The following SSBP3 variants were observed in gnomAD, a reference collection of about 807,000 sequenced individuals.
SSBP3 encodes the protein single stranded DNA binding protein 3.
In SSBP3, 5 loss-of-function variants were observed where a neutral mutation model predicts 69.6. The observed-to-expected ratio is 0.07, with a 90% CI of 0.04 to 0.15. SSBP3 has a LOEUF of 0.15. SSBP3 is among the 10% of genes least tolerant of loss of function. SSBP3 has a pLI of 1.00. For missense variants in SSBP3, 312 were observed against 534.0 expected (o/e 0.58, Z 4.10); for synonymous variants, 196 against 193.4 (o/e 1.01, Z -0.11).
chr1:54,313,713 T>C (rs1487997211), intron 4 of SSBP3, among the ~76,000 whole-genome samples: 2 of 151,986 alleles, frequency 1.3e-5, no homozygotes, highest in African/African-American at 2.4e-5. Context: ...AGAGTCAAGA[T>C]AGCTAAGCTT....
intron 4 of SSBP3, among the ~76,000 whole-genome samples, chr1:54,323,746 G>C (rs1187766048): frequency 6.6e-6 from 1 of 152,216 alleles, no homozygotes; most frequent in Non-Finnish European, 1.5e-5. Flanking sequence ...AGAAGGAGCA[G>C]AGGAAGGCTC....
intron 4 of SSBP3, among the ~76,000 whole-genome samples, chr1:54,357,296 G>C (rs1463788498): frequency 6.6e-6 from 1 of 151,110 alleles, no homozygotes. Context: ...GACAAATGAG[G>C]CCACCCTGCT....
At chr1:54,352,646 GA>G (rs2100586715) in intron 4 of SSBP3, among the ~76,000 whole-genome samples, 1 of 152,336 alleles carries the variant, frequency 6.6e-6, no homozygotes, top group East Asian at 1.9e-4. Flanking sequence ...CACCTTGCAG[GA>G]TGTGCAGCAG....
chr1:54,316,693 T>G (rs1486517643), intron 4 of SSBP3, among the ~76,000 whole-genome samples: 1 of 127,116 alleles, frequency 7.9e-6, no homozygotes, highest in Non-Finnish European at 1.6e-5. Context: ...AATAAATAAA[T>G]AAATAAATAA....
At chr1:54,310,947 A>C (rs1357947517) in intron 4 of SSBP3, among the ~76,000 whole-genome samples, 1 of 152,204 alleles carries the variant, frequency 6.6e-6, no homozygotes, top group Non-Finnish European at 1.5e-5. Context: ...GTGGGGGCTG[A>C]CATCACCTGG....
rs1227132173 is a variant in SSBP3, at chr1:54,225,434, C to T, written c.*1697G>A. The T allele has an allele frequency of 6.5e-6, 8 of 1,230,478 alleles. No homozygotes were observed. The Admixed American group carries it at 2.5e-4, about 39-fold the overall frequency. 76.2% of individuals were successfully genotyped at this position (1,230,478 alleles called of 1,614,324 possible). On this transcript the variant is annotated 3_prime_UTR_variant, in exon 18 of 18. Transcript: ENST00000610401. ...TCCCCAAACATGTCAGGAAGGGCTGCGGAAAAAAGATGTCCCTTTAATAAA... is the reference window on the plus strand; with the variant it reads ...TCCCCAAACATGTCAGGAAGGGCTGTGGAAAAAAGATGTCCCTTTAATAAA...
intron 4 of SSBP3, among the ~76,000 whole-genome samples, chr1:54,320,369 G>A (rs1557528630): frequency 6.6e-6 from 1 of 152,172 alleles, no homozygotes. Context: ...TCTGTCTGGA[G>A]TGCAATGACG....
intron 4 of SSBP3, among the ~76,000 whole-genome samples, chr1:54,337,391 G>A (rs1646525618): frequency 6.6e-6 from 1 of 151,732 alleles, no homozygotes; most frequent in Non-Finnish European, 1.5e-5. Context: ...GGGATCTTAG[G>A]GCAGGCTTTG....
chr1:54,372,363 C>A (rs920044181), intron 4 of SSBP3, among the ~76,000 whole-genome samples: 13 of 152,126 alleles, frequency 8.5e-5, no homozygotes, highest in African/African-American at 3.1e-4. Flanking sequence ...AAGATCTGCA[C>A]CTGCCTGGAA....
At chr1:54,237,982 CCT>C in intron 14 of SSBP3, 1 of 372,768 alleles carries the variant, frequency 2.7e-6, no homozygotes, top group Non-Finnish European at 5.6e-6. Flanking sequence ...TGCTGTCATC[CCT>C]CTGTGTGGGT....
intron 4 of SSBP3, among the ~76,000 whole-genome samples, chr1:54,349,009 G>A (rs1473189727): frequency 1.3e-5 from 2 of 152,292 alleles, no homozygotes; most frequent in Non-Finnish European, 2.9e-5. Flanking sequence ...TCACCCATTC[G>A]ACAAGAAACA....
intron 4 of SSBP3, among the ~76,000 whole-genome samples, chr1:54,390,017 G>A (rs199551135): frequency 1.3e-5 from 2 of 151,880 alleles, no homozygotes; most frequent in East Asian, 1.9e-4. Context: ...GGGCTGTTTT[G>A]AGTATGACAA....
At chr1:54,251,003 G>A (rs950148530) in intron 9 of SSBP3, among the ~76,000 whole-genome samples, 1 of 152,224 alleles carries the variant, frequency 6.6e-6, no homozygotes, top group African/African-American at 2.4e-5. Context: ...CTTTGTGGCA[G>A]CGGAGCCCTC....
intron 4 of SSBP3, among the ~76,000 whole-genome samples, chr1:54,372,955 T>C (rs952892104): frequency 1.3e-5 from 2 of 152,216 alleles, no homozygotes; most frequent in Non-Finnish European, 2.9e-5. Flanking sequence ...TATTCTTTTG[T>C]TGGGAGGCAG....
intron 9 of SSBP3, 115 bp from the exon 10 acceptor site, chr1:54,243,414 T>C: frequency 3.1e-6 from 4 of 1,290,918 alleles, no homozygotes; most frequent in Non-Finnish European, 3.3e-6. Context: ...AAAGGATTGA[T>C]GAGAAAAAAT....
chr1:54,278,737 C>G (rs1332297909), intron 5 of SSBP3, among the ~76,000 whole-genome samples: 1 of 152,232 alleles, frequency 6.6e-6, no homozygotes, highest in Non-Finnish European at 1.5e-5. Flanking sequence ...CATCCCAAGC[C>G]GACTCCCTGG....
chr1:54,332,740 A>T (rs1330279369), intron 4 of SSBP3, among the ~76,000 whole-genome samples: 1 of 150,454 alleles, frequency 6.6e-6, no homozygotes, highest in Non-Finnish European at 1.5e-5. Context: ...AGGGAGAAAG[A>T]TAAAAAAAAC....
intron 4 of SSBP3, among the ~76,000 whole-genome samples, chr1:54,396,901 C>T (rs1309079758): frequency 6.6e-6 from 1 of 152,082 alleles, no homozygotes; most frequent in East Asian, 1.9e-4. Flanking sequence ...CTGCACTGCT[C>T]GGGTGCTGGC....
At chr1:54,263,320 C>T (rs1037863080) in intron 5 of SSBP3, among the ~76,000 whole-genome samples, 2 of 152,212 alleles carry the variant, frequency 1.3e-5, no homozygotes, top group South Asian at 2.1e-4. Context: ...CATCTGAAGC[C>T]GTCCTGGAGA....
Sources: gnomAD v4.1 joint callset for allele counts (sites outside exome capture counted in the v4.1 genomes callset) on GRCh38, gnomAD v4.1.1 for gene constraint, MANE v1.5 for transcripts, NCBI Gene and HGNC (gene_info 2026-07-23, HGNC 2026-07-21) for gene names.